Variants in SSH2 observed in about 807,000 individuals in gnomAD.
The protein encoded by SSH2 is slingshot protein phosphatase 2.
A neutral mutation model predicts 135.2 loss-of-function variants in SSH2; 37 were observed. The observed-to-expected ratio is 0.27, with a 90% confidence interval of 0.21 to 0.36. The LOEUF is 0.36. Ranked by LOEUF, SSH2 falls within the 10% of genes least tolerant of loss-of-function variation. The pLI is 1.00. For missense variants in SSH2, 1,408 were observed against 1,765.3 expected, an observed-to-expected ratio of 0.80 and a Z score of 3.63; for synonymous variants, 628 against 646.2, an observed-to-expected ratio of 0.97 and a Z score of 0.43.
intron 3 of SSH2, chr17:29,716,338 C>T: frequency 2.2e-6 from 1 of 459,380 alleles, no homozygotes; most frequent in Non-Finnish European, 4.0e-6. Flanking sequence ...CTTTCACGTG[C>T]TTCAGGAAGC....
At chr17:29,914,928 A>G (rs2066855616) in intron 1 of SSH2, among the ~76,000 whole-genome samples, 1 of 152,186 alleles carries the variant, frequency 6.6e-6, no homozygotes, top group African/African-American at 2.4e-5. Flanking sequence ...ATATATTTGC[A>G]ACCATAAACA....
chr17:29,861,809 GGCCTCCCAAAGTGCTACAGGCATGA>G (rs1322972346), intron 1 of SSH2, among the ~76,000 whole-genome samples: 7 of 151,998 alleles, frequency 4.6e-5, no homozygotes, highest in Non-Finnish European at 1.0e-4. Context: ...CGCCCACCTG[GGCCTCCCAAAGTGCTACAGGCATGA>G]GCCACTGTGC....
At chr17:29,833,811 CTCCCTCCCTTCCTTCCT>C (rs1457391189) in intron 2 of SSH2, among the ~76,000 whole-genome samples, 3 of 51,110 alleles carry the variant, frequency 5.9e-5, no homozygotes, top group Non-Finnish European at 1.2e-4. Flanking sequence ...CCCTCCCTCT[CTCCCTCCCTTCCTTCCT>C]TCCCTCCCTC....
At chr17:29,844,862 C>T (rs2043104957) in intron 2 of SSH2, among the ~76,000 whole-genome samples, 1 of 152,202 alleles carries the variant, frequency 6.6e-6, no homozygotes, top group Non-Finnish European at 1.5e-5. Context: ...AGCCAGCCCT[C>T]CAGCCAAATT....
At chr17:29,701,653 C>G (rs1370653752) in intron 4 of SSH2, among the ~76,000 whole-genome samples, 2 of 152,070 alleles carry the variant, frequency 1.3e-5, no homozygotes, top group African/African-American at 4.8e-5. Flanking sequence ...TCACTGTAAC[C>G]TTCGCTTCCC....
intron 1 of SSH2, chr17:29,929,175 G>C (rs934450206): frequency 6.6e-6 from 1 of 152,166 alleles, no homozygotes; most frequent in Non-Finnish European, 1.5e-5. Context: ...TGCTTTATTG[G>C]CATAGGCATC....
intron 1 of SSH2, among the ~76,000 whole-genome samples, chr17:29,886,629 C>G (rs1450043261): frequency 6.6e-6 from 1 of 151,746 alleles, no homozygotes; most frequent in East Asian, 1.9e-4. Context: ...CACCTGTAGT[C>G]CCAACTACTC....
At chr17:29,686,729 C>G (rs1368447701) in intron 5 of SSH2, among the ~76,000 whole-genome samples, 1 of 146,268 alleles carries the variant, frequency 6.8e-6, no homozygotes. Flanking sequence ...AGTGCAATGG[C>G]GTGATCTCGG....
chr17:29,724,746 T>C (rs1329150693), intron 3 of SSH2, among the ~76,000 whole-genome samples: 2 of 150,960 alleles, frequency 1.3e-5, no homozygotes, highest in Non-Finnish European at 3.0e-5. Context: ...CATGCCACCA[T>C]GCCCAGCTAA....
intron 1 of SSH2, among the ~76,000 whole-genome samples, chr17:29,911,721 GCTTT>G (rs2066769111): frequency 6.6e-6 from 1 of 152,110 alleles, no homozygotes; most frequent in Non-Finnish European, 1.5e-5. Context: ...TTAAACTCAA[GCTTT>G]CTAATTTCAA....
intron 3 of SSH2, among the ~76,000 whole-genome samples, chr17:29,709,641 C>T (rs370421305): frequency 6.6e-6 from 1 of 152,064 alleles, no homozygotes; most frequent in South Asian, 2.1e-4. Context: ...CACGCCACTG[C>T]ACTCCAGCCT....
At chr17:29,811,085 T>C (rs535085860) in intron 2 of SSH2, among the ~76,000 whole-genome samples, 2 of 152,272 alleles carry the variant, frequency 1.3e-5, no homozygotes, top group Admixed American at 1.3e-4. Flanking sequence ...AACCTCTGCC[T>C]CCTGGGTTCA....
At chr17:29,917,368 T>C (rs1254484732) in intron 1 of SSH2, among the ~76,000 whole-genome samples, 1 of 152,220 alleles carries the variant, frequency 6.6e-6, no homozygotes, top group South Asian at 2.1e-4. Context: ...GGAACTGATG[T>C]TTTCTTCACA....
chr17:29,686,788 C>A (rs1359621168), intron 5 of SSH2, among the ~76,000 whole-genome samples: 7 of 152,132 alleles, frequency 4.6e-5, no homozygotes, highest in African/African-American at 1.7e-4. Context: ...CCTGCCTCAG[C>A]CTCCCAAGTA....
intron 3 of SSH2, among the ~76,000 whole-genome samples, chr17:29,735,158 A>G: frequency 6.6e-6 from 1 of 152,150 alleles, no homozygotes; most frequent in East Asian, 1.9e-4. Context: ...CAGTGTATTC[A>G]TGAATTTCCT....
rs527804844 is a variant in SSH2, at chr17:29,807,889, A to G, written c.145-13952T>C. 1.0e-4 allele frequency among the ~76,000 whole-genome samples: 15 copies of G among 149,600 alleles called. No individual in the cohort carries two copies. The East Asian group carries it at 2.9e-3, about 29-fold the overall frequency. The stretch of plus-strand genomic sequence containing the variant: ...CTACAATTTGGAAAGCCAATCGAGA[A>G]AAGTTAGGTAGTTTTTCCAAAGCCA... On this transcript the variant is annotated intron_variant, in intron 2 of 15. Coordinates refer to ENST00000540801, the MANE Select transcript of SSH2 (RefSeq NM_001282129.2).
intron 3 of SSH2, among the ~76,000 whole-genome samples, chr17:29,743,218 A>G (rs1447105937): frequency 6.6e-6 from 1 of 152,170 alleles, no homozygotes; most frequent in Non-Finnish European, 1.5e-5. Flanking sequence ...CATAGCACAG[A>G]AGTTCATTTT....
Position 29,877,299 on chromosome 17 carries a change from T to C in SSH2, c.64-28370A>G, listed in dbSNP as rs1019136608. Among the ~76,000 whole-genome samples, 6 of 152,310 alleles carry C rather than the reference T, an allele frequency of 3.9e-5. No homozygotes were observed. The East Asian group carries it at 7.7e-4, about 20-fold the overall frequency. ...GGAATGTAAATTAATACAACCACTA[T>C]GGAGAACAGTTTGGAGGTTTCTCAA... On this transcript the variant is annotated intron_variant, in intron 1 of 15. Transcript: ENST00000540801.
At chr17:29,901,032 A>G (rs1390072927) in intron 1 of SSH2, among the ~76,000 whole-genome samples, 2 of 152,152 alleles carry the variant, frequency 1.3e-5, no homozygotes, top group Non-Finnish European at 2.9e-5. Flanking sequence ...CGCAAGAACA[A>G]AAAACCAAAC....
Sources: gnomAD v4.1 joint callset for allele counts (sites outside exome capture counted in the v4.1 genomes callset) on GRCh38, gnomAD v4.1.1 for gene constraint, MANE v1.5 for transcripts, NCBI Gene and HGNC (gene_info 2026-07-23, HGNC 2026-07-21) for gene names.